The following COMMD4 variants were observed in gnomAD, a reference collection of about 807,000 sequenced individuals.
The protein encoded by COMMD4 is COMM domain-containing protein 4.
COMMD4 carries 18 observed loss-of-function variants against 27.5 expected under a neutral mutation model. The observed-to-expected ratio is 0.65, with a 90% CI of 0.45 to 0.97. COMMD4 has a LOEUF of 0.97. Among genes scored for constraint, COMMD4 ranks in the 50% least tolerant of loss-of-function variants. COMMD4 has a pLI of 0.00. For missense variants in COMMD4, 243 were observed against 250.0 expected (o/e 0.97, Z 0.19); for synonymous variants, 108 against 108.4 (o/e 1.00, Z 0.02).
downstream of COMMD4, chr15:75,341,944 GTC>G (rs2071431665): frequency 1.3e-5 from 2 of 151,810 alleles, no homozygotes; most frequent in Non-Finnish European, 2.9e-5. Flanking sequence ...CGTGCTTATA[GTC>G]TCAGCTACTC....
chr15:75,337,053 CCAT>C (rs1567199014), intron 1 of COMMD4: 1 of 152,192 alleles, frequency 6.6e-6, no homozygotes, highest in Admixed American at 6.5e-5. Flanking sequence ...CCACTGGCCT[CCAT>C]AATTTCCTTG....
At position 75,339,853 on chromosome 15, in the gene COMMD4, A is replaced by G; in HGVS notation, c.534A>G (p.Ala178=). 2 of 1,613,552 alleles carry G rather than the reference A, an allele frequency of 1.2e-6. No individual in the cohort carries two copies. Among genetic ancestry groups the G allele is most frequent in the East Asian group, 4.5e-5 (2 of 44,862 alleles). ...PAQPVAMSLS[A]DKFQVLLAEL... is the part of the protein sequence containing the mutation. ...AGCCTGTTGCCATGTCCCTCTCAGC[A>G]GACAAGTTCCAGGTCCTCCTGGCAG... The change falls in exon 7 of 8, where the codon GCA becomes GCG. Residue 178 remains alanine (A), a synonymous_variant. Coordinates refer to ENST00000267935, the MANE Select transcript of COMMD4 (RefSeq NM_017828.5).
rs267604326 is a variant in COMMD4 at position 75,339,750 on chromosome 15, C to G, written c.431C>G (p.Ser144Cys). ...VGWRVDYTLS[S>C]SLLQSVEEPM... ...TGGCGGGTGGACTACACCCTGAGCT[C>G]CAGCCTGCTGCAATCCGTGGAAGAG... Residue 144 changes from serine to cysteine, a missense_variant, in exon 7 of 8, where the codon TCC becomes TGC. By Grantham distance (112) the Ser-to-Cys change is moderately radical. Transcript: ENST00000267935. The G allele has an allele frequency of 1.9e-6, 3 of 1,613,136 alleles. No individual in the cohort carries two copies. Among genetic ancestry groups the G allele is most frequent in the Non-Finnish European group, 2.5e-6 (3 of 1,179,508 alleles).
In COMMD4 at chr15:75,339,057, A is replaced by T. The variant is rs1188436991; in HGVS notation, c.254A>T (p.Asp85Val). The T allele has an allele frequency of 6.2e-7, 1 of 1,613,730 alleles. No homozygotes were observed. Among genetic ancestry groups the T allele is most frequent in the East Asian group, 2.2e-5 (1 of 44,896 alleles). The stretch of plus-strand genomic sequence containing the variant: ...TCCAGTGCGGCCAAGCACAGTGTCG[A>T]TGGCGAATCCTTGTCCAGTGAACTG... ...ILSSAAKHSV[D>V]GESLSSELQQ... Residue 85 changes from aspartate to valine, a missense_variant, in exon 5 of 8, where the codon GAT (aspartate) becomes GTT (valine). Asp to Val is a radical substitution (Grantham distance 152, BLOSUM62 -3). Transcript: ENST00000267935.
In COMMD4 at chr15:75,338,093, C is replaced by T. The variant is rs1294212990; in HGVS notation, c.35C>T (p.Pro12Leu). 1.7e-4 allele frequency: 274 copies of T among 1,608,410 alleles called. No homozygotes were observed. The East Asian group carries it at 5.6e-3, about 33-fold the overall frequency. Residue 12 changes from proline to leucine, a missense_variant, in exon 2 of 8, where the codon CCC (proline) becomes CTC (leucine). Transcript: ENST00000267935. ...CGGTTCTGTGGTGATCTGGACTGTCCCGACTGGGTCCTGGCAGAAATCAGC... is the reference window on the plus strand; with the variant it reads ...CGGTTCTGTGGTGATCTGGACTGTCTCGACTGGGTCCTGGCAGAAATCAGC... The part of the protein sequence containing the change: ...RFRFCGDLDC[P>L]DWVLAEISTL...
chr15:75,336,253 C>T (rs757030398), intron 1 of COMMD4, 161 bp downstream of exon 1: 13 of 1,516,206 alleles, frequency 8.6e-6, no homozygotes, highest in African/African-American at 7.0e-5. Flanking sequence ...CCACCACTCT[C>T]CCGCTCCCGA....
intron 6 of COMMD4, 153 bp downstream of exon 6, chr15:75,339,497 C>A: frequency 2.3e-6 from 3 of 1,292,582 alleles, no homozygotes; most frequent in Non-Finnish European, 3.3e-6. Flanking sequence ...CCTGACTCCC[C>A]ACAAGGTTTC....
intron 3 of COMMD4, 112 bp downstream of exon 3, chr15:75,338,532 G>T (rs1199594127): frequency 6.4e-7 from 1 of 1,566,928 alleles, no homozygotes; most frequent in Admixed American, 1.8e-5. Flanking sequence ...ACCTCTCTGG[G>T]CACCTCCCTT....
chr15:75,341,666 G>T (rs2071429380), downstream of COMMD4: 1 of 152,106 alleles, frequency 6.6e-6, no homozygotes, highest in Non-Finnish European at 1.5e-5. Context: ...GCCCAGTCAG[G>T]TTACACAAAA....
At chr15:75,336,222 G>C (rs774809825) in intron 1 of COMMD4, 130 bp downstream of exon 1, 1 of 1,542,182 alleles carries the variant, frequency 6.5e-7, no homozygotes, top group Non-Finnish European at 8.8e-7. Context: ...CGTGAGGGCT[G>C]TGAGTCTGGT....
chr15:75,338,680 A>G lies in COMMD4; in HGVS notation c.176A>G (p.Lys59Arg). ...EKILKLTADA[K>R]FESGDVKATV... ...ATCCTGAAGCTCACGGCTGACGCCA[A>G]GTTTGGTGAGTATCCCGCTGAGTCT... The change falls in exon 4 of 8, where the codon AAG (lysine) becomes AGG (arginine). Residue 59 changes from lysine to arginine, a missense_variant. Physicochemically the swap from Lys to Arg is conservative, Grantham distance 26 (BLOSUM62 2). Transcript: ENST00000267935. The G allele has an allele frequency of 1.2e-6, 2 of 1,613,784 alleles. No homozygotes were observed. Among genetic ancestry groups the G allele is most frequent in the Non-Finnish European group, 1.7e-6 (2 of 1,179,868 alleles).
intron 1 of COMMD4, chr15:75,337,752 A>C: frequency 2.5e-6 from 1 of 396,670 alleles, no homozygotes. Flanking sequence ...TGTGAGGCCC[A>C]GGACTTTGTT....
Position 75,338,112 on chromosome 15 carries a change from A to C in COMMD4, c.54A>C (p.Glu18Asp). ...ACTGTCCCGACTGGGTCCTGGCAGA[A>C]ATCAGCACGCTGGCCAAGATGGTTG... ...DLDCPDWVLA[E>D]ISTLAKMSSV... The change falls in exon 2 of 8, where the codon GAA becomes GAC. Residue 18 changes from glutamate to aspartate, a missense_variant. Coordinates refer to ENST00000267935, the MANE Select transcript of COMMD4 (RefSeq NM_017828.5). The C allele has an allele frequency of 6.2e-7, 1 of 1,607,602 alleles. No homozygotes were observed. Among genetic ancestry groups the C allele is most frequent in the Non-Finnish European group, 8.5e-7 (1 of 1,176,892 alleles).
At chr15:75,336,386 C>T in intron 1 of COMMD4, 1 of 954,440 alleles carries the variant, frequency 1.0e-6, no homozygotes, top group South Asian at 1.8e-5. Context: ...TTGTCTGGAG[C>T]TGGGAGTCCT....
chr15:75,337,883 G>T (rs2071268293), intron 1 of COMMD4, 179 bp from the exon 2 acceptor site: 2 of 638,068 alleles, frequency 3.1e-6, no homozygotes, highest in South Asian at 3.9e-5. Flanking sequence ...TGGTGGCAGG[G>T]TGGGTCAGGG....
chr15:75,338,883 T>A, intron 4 of COMMD4, 102 bp from the exon 5 acceptor site: 2 of 1,587,746 alleles, frequency 1.3e-6, no homozygotes, highest in Non-Finnish European at 1.7e-6. Flanking sequence ...GCAGTGCCTG[T>A]GGCTCCAGGA....
intron 2 of COMMD4, 79 bp from the exon 3 acceptor site, chr15:75,338,276 G>T: frequency 6.9e-7 from 1 of 1,456,258 alleles, no homozygotes; most frequent in Admixed American, 2.0e-5. Flanking sequence ...TTGATCAGTG[G>T]CTGGCCTGCT....
intron 3 of COMMD4, 98 bp downstream of exon 3, chr15:75,338,518 C>G: frequency 6.4e-7 from 1 of 1,571,594 alleles, no homozygotes; most frequent in Non-Finnish European, 8.7e-7. Flanking sequence ...GAGCCAGCCT[C>G]TCAACCTCTC....
chr15:75,343,187 T>C (rs2071441006), downstream of COMMD4: 1 of 152,176 alleles, frequency 6.6e-6, no homozygotes. Flanking sequence ...TTTATACAAT[T>C]ATTATTTGTC....
Sources: allele counts gnomAD v4.1 joint callset, GRCh38; gene constraint gnomAD v4.1.1; transcripts MANE v1.5; gene names NCBI Gene and HGNC (gene_info 2026-07-23, HGNC 2026-07-21).